TMEM132C: variants seen among roughly 807,000 people sequenced by gnomAD.
TMEM132C encodes the protein protein phosphatase 1, regulatory subunit 152.
In TMEM132C, 29 loss-of-function variants were observed where a neutral mutation model predicts 61.4. The observed-to-expected ratio is 0.47, with a 90% CI of 0.35 to 0.64. TMEM132C has a LOEUF of 0.64. TMEM132C is among the 30% of genes least tolerant of loss of function. The pLI is 0.00. For synonymous variants in TMEM132C, 656 were observed against 633.1 expected (o/e 1.04, Z -0.54); for missense variants, 1,408 against 1,476.9 (o/e 0.95, Z 0.76).
In TMEM132C at chr12:128,380,639, G is replaced by A. The variant is rs528095034; in HGVS notation, c.86-34093G>A. On this transcript the variant is annotated intron_variant, in intron 1 of 8. Coordinates refer to ENST00000435159, the MANE Select transcript of TMEM132C (RefSeq NM_001136103.3). Reference sequence around the variant, plus strand: ...CTAAAGGAAATATAAGCCAGGCATGGTGGCTCACACCTGTGATCCTGGTAT... The same window carrying A: ...CTAAAGGAAATATAAGCCAGGCATGATGGCTCACACCTGTGATCCTGGTAT... Among the ~76,000 whole-genome samples, 35 of 152,274 alleles carry A rather than the reference G, an allele frequency of 2.3e-4. No homozygotes were observed. In the South Asian group the frequency reaches 7.3e-3, roughly 32 times the overall value.
intron 3 of TMEM132C, among the ~76,000 whole-genome samples, chr12:128,561,133 G>C (rs960964664): frequency 1.1e-4 from 16 of 152,324 alleles, no homozygotes; most frequent in Admixed American, 5.2e-4. Flanking sequence ...ATAAAGGCAG[G>C]GGGAGGATTT....
intron 2 of TMEM132C, among the ~76,000 whole-genome samples, chr12:128,529,010 A>G (rs58627873): frequency 0.025 from 3,771 of 152,328 alleles, 148 homozygotes; most frequent in African/African-American, 0.086. Flanking sequence ...TGCATCTCAC[A>G]GTCATTCCAA....
At chr12:128,343,519 GCC>G (rs1183296306) in intron 1 of TMEM132C, among the ~76,000 whole-genome samples, 1 of 151,792 alleles carries the variant, frequency 6.6e-6, no homozygotes, top group Admixed American at 6.6e-5. Flanking sequence ...AGAGCTGTTG[GCC>G]CTTACTGAGT....
At chr12:128,648,704 AG>A (rs1432761521) in intron 4 of TMEM132C, among the ~76,000 whole-genome samples, 7 of 146,086 alleles carry the variant, frequency 4.8e-5, no homozygotes, top group African/African-American at 2.6e-5. Context: ...GAGTGTGTTT[AG>A]CTCAGTCCAT....
At chr12:128,480,473 G>A (rs1392694325) in intron 2 of TMEM132C, among the ~76,000 whole-genome samples, 1 of 152,236 alleles carries the variant, frequency 6.6e-6, no homozygotes, top group Admixed American at 6.5e-5. Flanking sequence ...CTACTGGAGG[G>A]TTGCAAGTTA....
chr12:128,379,666 A>G (rs1404828098), intron 1 of TMEM132C, among the ~76,000 whole-genome samples: 2 of 152,146 alleles, frequency 1.3e-5, no homozygotes, highest in African/African-American at 4.8e-5. Flanking sequence ...GGAAAAGGAC[A>G]CCTGTCATTG....
intron 2 of TMEM132C, among the ~76,000 whole-genome samples, chr12:128,440,805 T>G (rs977488888): frequency 6.6e-6 from 1 of 152,016 alleles, no homozygotes; most frequent in African/African-American, 2.4e-5. Context: ...TCCCAGCACT[T>G]TGGGAGGCTG....
intron 1 of TMEM132C, among the ~76,000 whole-genome samples, chr12:128,327,012 T>A (rs12304711): frequency 1.3e-5 from 2 of 149,930 alleles, no homozygotes; most frequent in Non-Finnish European, 2.9e-5. Flanking sequence ...TTTTCTTTTA[T>A]CCCCAACCTT....
At chr12:128,696,798 T>C (rs1954768835) in intron 7 of TMEM132C, among the ~76,000 whole-genome samples, 1 of 152,220 alleles carries the variant, frequency 6.6e-6, no homozygotes, top group Non-Finnish European at 1.5e-5. Context: ...AGCAATGTTT[T>C]GGCAGAGGAT....
intron 4 of TMEM132C, among the ~76,000 whole-genome samples, chr12:128,659,931 G>A (rs928084808): frequency 2.0e-4 from 30 of 152,296 alleles, no homozygotes; most frequent in African/African-American, 6.0e-4. Flanking sequence ...ACCAGGGGCT[G>A]GACCTCTCAC....
chr12:128,440,407 G>C (rs1869744358), intron 2 of TMEM132C, among the ~76,000 whole-genome samples: 1 of 152,204 alleles, frequency 6.6e-6, no homozygotes, highest in South Asian at 2.1e-4. Context: ...AACAGAGCCA[G>C]GGTTAGGACC....
chr12:128,391,659 T>C (rs1874768419), intron 1 of TMEM132C, among the ~76,000 whole-genome samples: 3 of 152,320 alleles, frequency 2.0e-5, no homozygotes, highest in Admixed American at 2.0e-4. Flanking sequence ...GAGGTAGGTA[T>C]TGTTAGTATC....
intron 1 of TMEM132C, among the ~76,000 whole-genome samples, chr12:128,394,576 A>G (rs991488502): frequency 6.6e-6 from 1 of 152,262 alleles, no homozygotes; most frequent in Non-Finnish European, 1.5e-5. Context: ...CCTTCAGCCC[A>G]ACATCTAGTG....
intron 2 of TMEM132C, among the ~76,000 whole-genome samples, chr12:128,442,692 T>C (rs1306059223): frequency 2.6e-5 from 4 of 152,138 alleles, no homozygotes; most frequent in Non-Finnish European, 5.9e-5. Flanking sequence ...AAGGGTATTT[T>C]TTGAACACTT....
At chr12:128,356,209 T>C (rs1331201447) in intron 1 of TMEM132C, among the ~76,000 whole-genome samples, 1 of 152,204 alleles carries the variant, frequency 6.6e-6, no homozygotes, top group Non-Finnish European at 1.5e-5. Context: ...AAAACGCACC[T>C]TTAAAGACTA....
chr12:128,396,530 C>A (rs1474962659), intron 1 of TMEM132C, among the ~76,000 whole-genome samples: 1 of 152,080 alleles, frequency 6.6e-6, no homozygotes, highest in East Asian at 1.9e-4. Flanking sequence ...ATATAACAAA[C>A]CTGCACATTC....
At chr12:128,416,800 T>G (rs1404551316) in intron 2 of TMEM132C, among the ~76,000 whole-genome samples, 2 of 152,234 alleles carry the variant, frequency 1.3e-5, no homozygotes, top group Non-Finnish European at 2.9e-5. Context: ...AATTTTTAAG[T>G]AGACTAATTT....
At chr12:128,268,272 G>A (rs1318462805) in intron 1 of TMEM132C, among the ~76,000 whole-genome samples, 2 of 152,338 alleles carry the variant, frequency 1.3e-5, no homozygotes, top group African/African-American at 2.4e-5. Context: ...GTTAACGTAT[G>A]GCGCCCGCAG....
In TMEM132C at chr12:128,543,458, T is replaced by C. The variant is rs146970558; in HGVS notation, c.975-499T>C. Reference sequence around the variant, plus strand: ...CCGGCTTTCCTAGTAGTATTGACACTGTGGGCCCAGTGGCTCTGTGTGGTG... The same window carrying C: ...CCGGCTTTCCTAGTAGTATTGACACCGTGGGCCCAGTGGCTCTGTGTGGTG... On this transcript the variant is annotated intron_variant, in intron 2 of 8. Coordinates refer to ENST00000435159, the MANE Select transcript of TMEM132C (RefSeq NM_001136103.3). 1.6e-4 allele frequency among the ~76,000 whole-genome samples: 24 copies of C among 152,292 alleles called. 1 individual carries two copies. In the East Asian group the frequency reaches 4.6e-3, roughly 30 times the overall value.
Sources: gnomAD v4.1 joint callset for allele counts (sites outside exome capture counted in the v4.1 genomes callset) on GRCh38, gnomAD v4.1.1 for gene constraint, MANE v1.5 for transcripts, NCBI Gene and HGNC (gene_info 2026-07-23, HGNC 2026-07-21) for gene names.